The following PRKG1 variants were observed in gnomAD, a reference collection of about 807,000 sequenced individuals.
PRKG1 encodes the protein cGMP-dependent protein kinase 1.
Under a neutral mutation model 88.1 loss-of-function variants are expected in PRKG1, and 35 were observed. That is an observed-to-expected ratio of 0.40 (90% CI 0.30 to 0.53). The LOEUF (loss-of-function observed/expected upper bound fraction) is 0.53. PRKG1 is among the 20% of genes least tolerant of loss of function. The pLI is 0.59. For missense variants in PRKG1, 540 were observed against 839.8 expected (o/e 0.64, Z 4.41); for synonymous variants, 303 against 292.5 (o/e 1.04, Z -0.37).
chr10:51,560,841 A>G (rs1017961751), intron 3 of PRKG1, among the ~76,000 whole-genome samples: 2 of 152,122 alleles, frequency 1.3e-5, no homozygotes, highest in Non-Finnish European at 2.9e-5. Context: ...TATAACAAAT[A>G]TACAGTTTTG....
intron 1 of PRKG1, among the ~76,000 whole-genome samples, chr10:51,028,706 ATAAG>A (rs1843241253): frequency 6.6e-6 from 1 of 152,160 alleles, no homozygotes; most frequent in African/African-American, 2.4e-5. Flanking sequence ...GTTGGCTCAA[ATAAG>A]TAAGAAGCTC....
At chr10:50,997,507 T>C (rs1400907105) in intron 1 of PRKG1, among the ~76,000 whole-genome samples, 1 of 152,202 alleles carries the variant, frequency 6.6e-6, no homozygotes, top group Admixed American at 6.5e-5. Context: ...CCTCTCACCA[T>C]AACATGTAAG....
At chr10:51,742,920 A>G (rs991325018) in intron 3 of PRKG1, among the ~76,000 whole-genome samples, 4 of 152,076 alleles carry the variant, frequency 2.6e-5, no homozygotes, top group African/African-American at 7.3e-5. Flanking sequence ...TAGGACAAAT[A>G]CCTAATGCAT....
intron 2 of PRKG1, among the ~76,000 whole-genome samples, chr10:51,268,296 G>A (rs1589295355): frequency 6.6e-6 from 1 of 152,082 alleles, no homozygotes; most frequent in Admixed American, 6.5e-5. Context: ...CAGGAGACAG[G>A]GTTTGAGAGC....
rs563772379 is a variant in PRKG1, at chr10:51,721,227, A to G, written c.593-83358A>G. 1.4e-3 allele frequency among the ~76,000 whole-genome samples: 214 copies of G among 151,378 alleles called. 6 individuals are homozygous for G. The South Asian group carries it at 0.019, about 13-fold the overall frequency. On this transcript the variant is annotated intron_variant, in intron 3 of 17. Transcript: ENST00000373980. ...CAAGACCTATTAAAAAAAAAAAAAA[A>G]AAAAAGAAAAAAAAAGTAAAACACT... is the stretch of plus-strand genomic sequence containing the variant.
intron 7 of PRKG1, among the ~76,000 whole-genome samples, chr10:52,082,670 C>T (rs1190918532): frequency 6.6e-6 from 1 of 152,130 alleles, no homozygotes; most frequent in East Asian, 1.9e-4. Context: ...ATTGTTCTGC[C>T]TTCCGAAAGC....
At chr10:51,052,958 C>T (rs1047151969) in intron 1 of PRKG1, among the ~76,000 whole-genome samples, 7 of 152,142 alleles carry the variant, frequency 4.6e-5, no homozygotes, top group African/African-American at 9.7e-5. Context: ...GGCCAGTTGC[C>T]GTGGCTCATG....
chr10:51,294,277 A>G (rs1840660683), intron 2 of PRKG1, among the ~76,000 whole-genome samples: 1 of 152,124 alleles, frequency 6.6e-6, no homozygotes, highest in Non-Finnish European at 1.5e-5. Flanking sequence ...ATCATATCCA[A>G]AAATATCATG....
chr10:51,038,036 T>G (rs1378303996), intron 1 of PRKG1, among the ~76,000 whole-genome samples: 2 of 152,144 alleles, frequency 1.3e-5, no homozygotes, highest in East Asian at 3.8e-4. Flanking sequence ...CAGAACCAAT[T>G]ATGTGTTTGT....
intron 8 of PRKG1, among the ~76,000 whole-genome samples, chr10:52,143,495 G>A (rs1275521920): frequency 3.9e-5 from 6 of 152,118 alleles, no homozygotes; most frequent in Admixed American, 3.9e-4. Context: ...TGTTAGGAAG[G>A]ATATAGTCAT....
chr10:52,206,263 G>A (rs903910079), intron 9 of PRKG1, among the ~76,000 whole-genome samples: 2 of 152,040 alleles, frequency 1.3e-5, no homozygotes, highest in African/African-American at 4.8e-5. Context: ...CATCAGATCA[G>A]TTTGTTTCTT....
chr10:51,193,781 C>T (rs1837691116), intron 2 of PRKG1, among the ~76,000 whole-genome samples: 1 of 152,064 alleles, frequency 6.6e-6, no homozygotes, highest in African/African-American at 2.4e-5. Context: ...TGTGTAGTAA[C>T]TTTACTCTGT....
chr10:51,402,323 C>T lies in PRKG1; in HGVS notation c.479-65400C>T, dbSNP rs561292578. 2.0e-5 allele frequency among the ~76,000 whole-genome samples: 3 copies of T among 152,222 alleles called. No individual in the cohort carries two copies. The South Asian group carries it at 6.2e-4, about 32-fold the overall frequency. ...ATCTATTTTCTCCATGATGAAAATC[C>T]CAATTACTTGGTGCAAAATTAAGAC... On this transcript the variant is annotated intron_variant, in intron 2 of 17. Transcript: ENST00000373980.
intron 5 of PRKG1, among the ~76,000 whole-genome samples, chr10:51,990,426 G>C (rs1280060314): frequency 2.0e-5 from 3 of 151,978 alleles, no homozygotes; most frequent in Non-Finnish European, 4.4e-5. Context: ...TGAGGAGTAT[G>C]CACATTTTAG....
chr10:51,766,377 G>A (rs1838163956), intron 3 of PRKG1, among the ~76,000 whole-genome samples: 1 of 152,074 alleles, frequency 6.6e-6, no homozygotes, highest in Admixed American at 6.5e-5. Flanking sequence ...TACTGTGCAT[G>A]TTTTAGGGGA....
At chr10:52,084,214 T>C (rs1391841893) in intron 7 of PRKG1, among the ~76,000 whole-genome samples, 2 of 152,030 alleles carry the variant, frequency 1.3e-5, no homozygotes, top group African/African-American at 4.8e-5. Flanking sequence ...AAGGTTTTCT[T>C]ACTGCTGTAA....
At chr10:52,031,654 GT>G (rs1157972164) in intron 5 of PRKG1, among the ~76,000 whole-genome samples, 28 of 152,130 alleles carry the variant, frequency 1.8e-4, no homozygotes, top group Admixed American at 4.6e-4. Context: ...TTGGTTATGC[GT>G]TCTAAGCATA....
intron 7 of PRKG1, 83 bp from the exon 8 acceptor site, chr10:52,133,757 A>T (rs758122498): frequency 4.8e-5 from 57 of 1,197,324 alleles, no homozygotes; most frequent in Non-Finnish European, 5.9e-5. Flanking sequence ...TATAATGTAA[A>T]TTTTTTCCTG....
intron 5 of PRKG1, among the ~76,000 whole-genome samples, chr10:51,938,501 A>G (rs1304958654): frequency 6.6e-6 from 1 of 151,982 alleles, no homozygotes; most frequent in East Asian, 1.9e-4. Flanking sequence ...ATTTTACTTT[A>G]AGAGGGCATT....
Sources: gnomAD v4.1 joint callset for allele counts (sites outside exome capture counted in the v4.1 genomes callset) on GRCh38, gnomAD v4.1.1 for gene constraint, MANE v1.5 for transcripts, NCBI Gene and HGNC (gene_info 2026-07-23, HGNC 2026-07-21) for gene names.